Variants in SEMA4B observed in about 807,000 individuals in gnomAD.
SEMA4B encodes the protein semaphorin 4B.
Under a neutral mutation model 88.1 loss-of-function variants are expected in SEMA4B, and 55 were observed. The observed-to-expected ratio is 0.62, with a 90% CI of 0.50 to 0.78. The LOEUF (loss-of-function observed/expected upper bound fraction) is 0.78, where lower values mean the gene tolerates loss of function less well. SEMA4B is among the 30% of genes least tolerant of loss of function. The pLI is 0.00. For missense variants in SEMA4B, 1,062 were observed against 1,111.9 expected (o/e 0.96, Z 0.64); for synonymous variants, 525 against 473.6 (o/e 1.11, Z -1.41).
intron 1 of SEMA4B, among the ~76,000 whole-genome samples, chr15:90,190,689 C>T (rs1260006762): frequency 1.3e-5 from 2 of 152,052 alleles, no homozygotes; most frequent in Non-Finnish European, 2.9e-5. Context: ...AGGTAGATTC[C>T]TCACTTCATG....
chr15:90,208,719 C>G (rs375315331), intron 1 of SEMA4B, among the ~76,000 whole-genome samples: 2 of 151,876 alleles, frequency 1.3e-5, no homozygotes, highest in African/African-American at 4.8e-5. Context: ...TGTCATACTT[C>G]CACCTGTCAT....
chr15:90,189,316 T>A (rs1480967620), intron 1 of SEMA4B, among the ~76,000 whole-genome samples: 1 of 152,234 alleles, frequency 6.6e-6, no homozygotes, highest in African/African-American at 2.4e-5. Flanking sequence ...GATTTCTGAC[T>A]ATAGGTTGAA....
chr15:90,188,870 A>G (rs539661969), intron 1 of SEMA4B, among the ~76,000 whole-genome samples: 160 of 151,726 alleles, frequency 1.1e-3, no homozygotes, highest in African/African-American at 3.7e-3. Flanking sequence ...GGGTTTCACC[A>G]TGTTAGCCAG....
At chr15:90,186,927 C>T (rs952280853) in intron 1 of SEMA4B, among the ~76,000 whole-genome samples, 7 of 151,324 alleles carry the variant, frequency 4.6e-5, no homozygotes, top group Admixed American at 1.3e-4. Context: ...AGCAAGACTC[C>T]GTCTCAAAAA....
chr15:90,203,382 GA>G (rs1960836722), intron 1 of SEMA4B, among the ~76,000 whole-genome samples: 1 of 152,184 alleles, frequency 6.6e-6, no homozygotes, highest in African/African-American at 2.4e-5. Flanking sequence ...AAGGCAGGGT[GA>G]GATGGGGGCA....
chr15:90,226,380 G>C (rs542410458), intron 12 of SEMA4B, among the ~76,000 whole-genome samples: 1 of 151,982 alleles, frequency 6.6e-6, no homozygotes. Flanking sequence ...TCGCTCTGTC[G>C]CCCAGGCTGG....
intron 1 of SEMA4B, among the ~76,000 whole-genome samples, chr15:90,187,900 G>A (rs146867571): frequency 0.016 from 2,356 of 151,932 alleles, 58 homozygotes; most frequent in African/African-American, 0.054. Flanking sequence ...AGCTACTCAG[G>A]AGGCTGAGGC....
intron 1 of SEMA4B, among the ~76,000 whole-genome samples, chr15:90,186,011 G>A (rs907310396): frequency 4.7e-5 from 6 of 127,622 alleles, no homozygotes; most frequent in African/African-American, 1.7e-4. Context: ...TTGGCTCACC[G>A]CAACCTCCAC....
upstream of SEMA4B, among the ~76,000 whole-genome samples, chr15:90,197,981 C>T (rs1216039537): frequency 1.3e-5 from 2 of 149,524 alleles, no homozygotes; most frequent in Non-Finnish European, 3.0e-5. Flanking sequence ...GGCTGGAGTG[C>T]AGTGGCGTGA....
At chr15:90,214,077 C>T (rs970159549) in intron 1 of SEMA4B, among the ~76,000 whole-genome samples, 1 of 152,220 alleles carries the variant, frequency 6.6e-6, no homozygotes, top group Non-Finnish European at 1.5e-5. Context: ...CGCGGTGGCT[C>T]AGGCCTATAA....
At position 90,228,219 on chromosome 15, in the gene SEMA4B, G is replaced by C; in HGVS notation, c.2090G>C (p.Arg697Pro). The change falls in exon 14 of 14, where the codon CGT (arginine) becomes CCT (proline). Residue 697 changes from arginine to proline, a missense_variant. Arg to Pro is a moderately radical substitution (Grantham distance 103). Transcript: ENST00000411539. ...GTACCCGTCATTATCAGCACATCGC[G>C]TGTGAGTGCACCAGCTGGTGGCAAG... ...GSVPVIISTSRVSAPAGGKAS... is the reference protein window; with the variant it reads ...GSVPVIISTSPVSAPAGGKAS... 1 of 1,607,414 alleles carries C rather than the reference G, an allele frequency of 6.2e-7. No homozygotes were observed. Among genetic ancestry groups the C allele is most frequent in the South Asian group, 1.1e-5 (1 of 89,810 alleles).
intron 1 of SEMA4B, among the ~76,000 whole-genome samples, chr15:90,210,632 G>A (rs763359573): frequency 4.6e-5 from 7 of 152,236 alleles, no homozygotes; most frequent in Non-Finnish European, 1.0e-4. Context: ...AAAGGGCTGA[G>A]AAAGTGCTCA....
Position 90,221,670 on chromosome 15 carries a change from G to A in SEMA4B, c.766G>A (p.Asp256Asn), listed in dbSNP as rs1223820839. The change falls in exon 7 of 14, where the codon GAT becomes AAT. Residue 256 changes from aspartate to asparagine, a missense_variant. Coordinates refer to ENST00000411539, the MANE Select transcript of SEMA4B (RefSeq NM_198925.4). ...IPESLGSLQG[D>N]DDKIYFFFSE... ...TGAGAGCCTGGGCAGCTTGCAAGGC[G>A]ATGATGACAAGATCTACTTTTTCTT... is the stretch of plus-strand genomic sequence containing the variant. The A allele has an allele frequency of 1.2e-6, 2 of 1,613,934 alleles. No homozygotes were observed. The highest frequency in any genetic ancestry group is 1.3e-5 in the African/African-American group (1 of 74,946).
rs757855948 is a variant in SEMA4B, at chr15:90,221,619, G to C, written c.715G>C (p.Ala239Pro). Residue 239 changes from alanine (A) to proline (P), a missense_variant, in exon 7 of 14, where the codon GCT becomes CCT. Coordinates refer to ENST00000411539, the MANE Select transcript of SEMA4B (RefSeq NM_198925.4). ...ESSLNWLQDP[A>P]FVASAYIPES... ...TCCTGACCTGGTCCCTACAGACCCA[G>C]CTTTTGTGGCCTCAGCCTACATTCC... 6.2e-7 allele frequency: 1 copy of C among 1,614,026 alleles called. No homozygotes were observed. The highest frequency in any genetic ancestry group is 1.3e-5 in the African/African-American group (1 of 75,058).
At chr15:90,217,694 TGCC>T in intron 2 of SEMA4B, 70 bp from the exon 3 acceptor site, 1 of 1,603,230 alleles carries the variant, frequency 6.2e-7, no homozygotes, top group Non-Finnish European at 8.5e-7. Context: ...CCAAGGATGA[TGCC>T]TATGGGAGAG....
chr15:90,206,095 C>T (rs1449739133), intron 1 of SEMA4B, among the ~76,000 whole-genome samples: 1 of 152,228 alleles, frequency 6.6e-6, no homozygotes, highest in Non-Finnish European at 1.5e-5. Flanking sequence ...TGTTCATCCT[C>T]TAGGCAAGAG....
chr15:90,196,730 G>A (rs1162549385), upstream of SEMA4B, among the ~76,000 whole-genome samples: 9 of 151,828 alleles, frequency 5.9e-5, no homozygotes, highest in East Asian at 9.7e-4. Context: ...CTCGTGATCC[G>A]CCCGCCTCAG....
chr15:90,212,370 A>G lies in SEMA4B; in HGVS notation c.158-5069A>G, dbSNP rs1404520794. Among the ~76,000 whole-genome samples the G allele has an allele frequency of 2.0e-5, 3 of 152,218 alleles. No individual in the cohort carries two copies. Among genetic ancestry groups the G allele is most frequent in the East Asian group, 3.9e-4 (2 of 5,162 alleles). On this transcript the variant is annotated intron_variant, in intron 1 of 13. Transcript: ENST00000411539. The surrounding 1 kb of genome is among the most constrained non-coding windows in gnomAD (Gnocchi z 4.0). ...GGTGGAGGGAGAGGGTTCACCCTGA[A>G]TGGGAAAACCGGCCGCAGCCTCGGC...
rs569222645 is a variant in SEMA4B, at chr15:90,219,789, C to T, written c.385-4C>T. The T allele has an allele frequency of 6.8e-6, 11 of 1,611,954 alleles. No homozygotes were observed. Among genetic ancestry groups the T allele is most frequent in the Non-Finnish European group, 9.3e-6 (11 of 1,178,808 alleles). ...ACTGATATCCCCTCGCTCCTTCCCC[C>T]CAGCGCGACTGTCAAAACTACATCA... On this transcript the variant is annotated splice_polypyrimidine_tract_variant and splice_region_variant and intron_variant, in intron 3 of 13. Transcript: ENST00000411539.
Sources: gnomAD v4.1 joint callset for allele counts (sites outside exome capture counted in the v4.1 genomes callset) on GRCh38, gnomAD v4.1.1 for gene constraint, Gnocchi (gnomAD v3.1) non-coding constraint, MANE v1.5 for transcripts, NCBI Gene and HGNC (gene_info 2026-07-23, HGNC 2026-07-21) for gene names.